Variants in USP32 observed in about 807,000 individuals in gnomAD.
The protein encoded by USP32 is ubiquitin specific peptidase 32.
Under a neutral mutation model 204.8 loss-of-function variants are expected in USP32, and 59 were observed. That is an observed-to-expected ratio of 0.29 (90% CI 0.23 to 0.36). The LOEUF is 0.36. Among genes scored for constraint, USP32 ranks in the 10% least tolerant of loss-of-function variants. The pLI is 1.00. For synonymous variants in USP32, 517 were observed against 678.4 expected (o/e 0.76, Z 3.70); for missense variants, 1,160 against 1,946.4 (o/e 0.60, Z 7.60).
chr17:60,242,303 C>T (rs2085898751), intron 11 of USP32, among the ~76,000 whole-genome samples: 1 of 151,952 alleles, frequency 6.6e-6, no homozygotes, highest in South Asian at 2.1e-4. Flanking sequence ...CCTCCTGGAC[C>T]ATTTTTTTTT....
intron 1 of USP32, among the ~76,000 whole-genome samples, chr17:60,409,955 G>A (rs1265228368): frequency 1.3e-5 from 2 of 152,144 alleles, no homozygotes; most frequent in Non-Finnish European, 2.9e-5. Flanking sequence ...GACAAGCTTG[G>A]TTTAAAACAA....
chr17:60,228,421 G>A (rs182870679), intron 12 of USP32, among the ~76,000 whole-genome samples: 7 of 151,476 alleles, frequency 4.6e-5, no homozygotes, highest in African/African-American at 1.5e-4. Flanking sequence ...ATAATATCAA[G>A]CTTCTCACAG....
Position 60,213,750 on chromosome 17 carries a change from C to A in USP32, c.2023-88G>T, listed in dbSNP as rs58493920. 7.9e-3 allele frequency: 11,863 copies of A among 1,498,098 alleles called. 1,202 individuals are homozygous for A. The African/African-American group carries it at 0.16, about 21-fold the overall frequency. 92.8% of individuals were successfully genotyped at this position (1,498,098 alleles called of 1,614,324 possible). A position where few individuals can be genotyped will look rare whatever the true frequency, so the allele number is the denominator to read the frequency against. ...TAAAAATGAGTAACAATTAAAAAAA[C>A]AACTTCTTTGTAGTTATATAACATA... On this transcript the variant is annotated intron_variant, in intron 17 of 33. Transcript: ENST00000300896.
At chr17:60,324,709 A>G (rs2088190489) in intron 2 of USP32, among the ~76,000 whole-genome samples, 1 of 152,242 alleles carries the variant, frequency 6.6e-6, no homozygotes, top group Non-Finnish European at 1.5e-5. Flanking sequence ...ATTATACTAA[A>G]AAACTGTTAT....
At chr17:60,362,481 C>A (rs1161920401) in intron 1 of USP32, among the ~76,000 whole-genome samples, 1 of 152,156 alleles carries the variant, frequency 6.6e-6, no homozygotes, top group Non-Finnish European at 1.5e-5. Context: ...AGGAATGTGT[C>A]TTTGAAAACT....
At chr17:60,278,162 C>T (rs376880966) in intron 5 of USP32, among the ~76,000 whole-genome samples, 1 of 152,154 alleles carries the variant, frequency 6.6e-6, no homozygotes, top group African/African-American at 2.4e-5. Flanking sequence ...CCACAGCCTT[C>T]CAAAGTGCTG....
At chr17:60,347,790 T>G (rs2088825824) in intron 1 of USP32, among the ~76,000 whole-genome samples, 1 of 151,672 alleles carries the variant, frequency 6.6e-6, no homozygotes. Flanking sequence ...CCGAGAAACT[T>G]CAAGGATTAT....
intron 29 of USP32, among the ~76,000 whole-genome samples, chr17:60,188,247 A>C (rs113808627): frequency 0.019 from 2,908 of 152,322 alleles, 87 homozygotes; most frequent in African/African-American, 0.065. Context: ...CAGGAGAGAA[A>C]TGTAAAGGAT....
chr17:60,237,247 C>G (rs2145641850), intron 11 of USP32, among the ~76,000 whole-genome samples: 1 of 151,808 alleles, frequency 6.6e-6, no homozygotes, highest in East Asian at 1.9e-4. Context: ...CTCAAGCAAT[C>G]CTCCTGCCTC....
rs371922089 is a variant in USP32, at chr17:60,321,631, A to C, written c.187-19927T>G. Among the ~76,000 whole-genome samples, 200 of 152,354 alleles carry C rather than the reference A, an allele frequency of 1.3e-3. 1 individual carries two copies. Among genetic ancestry groups the C allele is most frequent in the African/African-American group, 4.5e-3 (187 of 41,582 alleles). On this transcript the variant is annotated intron_variant, in intron 2 of 33. Transcript: ENST00000300896. The stretch of plus-strand genomic sequence containing the variant: ...AATTCCCAAAGAAATGAGGGCAAAC[A>C]TTCTTGAAATGAATGGAAACACAAC...
chr17:60,308,181 C>T (rs145653296), intron 2 of USP32, among the ~76,000 whole-genome samples: 5 of 152,262 alleles, frequency 3.3e-5, no homozygotes, highest in Non-Finnish European at 7.3e-5. Flanking sequence ...GGCAAGAATC[C>T]GGGATACAGA....
intron 11 of USP32, among the ~76,000 whole-genome samples, chr17:60,242,518 C>T (rs1598126974): frequency 6.6e-6 from 1 of 152,142 alleles, no homozygotes; most frequent in Admixed American, 6.5e-5. Flanking sequence ...TCAAGTGATT[C>T]TCCTGCCTTA....
At chr17:60,282,152 C>T (rs2086982617) in intron 5 of USP32, among the ~76,000 whole-genome samples, 1 of 152,170 alleles carries the variant, frequency 6.6e-6, no homozygotes, top group African/African-American at 2.4e-5. Context: ...TCAATGCGCA[C>T]ATTGTAAGAG....
intron 1 of USP32, among the ~76,000 whole-genome samples, chr17:60,417,016 C>T (rs1598326098): frequency 6.7e-6 from 1 of 150,346 alleles, no homozygotes; most frequent in Admixed American, 6.7e-5. Context: ...CTCTTGGGTT[C>T]AAGCCATTCT....
intron 9 of USP32, among the ~76,000 whole-genome samples, chr17:60,255,632 C>T (rs888351176): frequency 5.9e-5 from 9 of 152,216 alleles, no homozygotes; most frequent in Non-Finnish European, 1.3e-4. Flanking sequence ...TTCCTCTTTA[C>T]TTTCCTAACT....
rs376162084 is a variant in USP32, at chr17:60,377,820, G to T, written c.58+14062C>A. On this transcript the variant is annotated intron_variant, in intron 1 of 33. Coordinates refer to ENST00000300896, the MANE Select transcript of USP32 (RefSeq NM_032582.4). The stretch of plus-strand genomic sequence containing the variant: ...TTTAGAGTAGGGTTCTTTCTATTCT[G>T]GTTTTCTGCAGCTGTGGGGTCACTC... Among the ~76,000 whole-genome samples, 46 of 152,084 alleles carry T rather than the reference G, an allele frequency of 3.0e-4. No homozygotes were observed. The South Asian group carries it at 9.6e-3, about 32-fold the overall frequency.
chr17:60,352,671 G>A (rs1220295481), intron 1 of USP32, among the ~76,000 whole-genome samples: 1 of 152,160 alleles, frequency 6.6e-6, no homozygotes, highest in African/African-American at 2.4e-5. Context: ...ACAAGACTGG[G>A]AAAAGGTCAG....
intron 2 of USP32, among the ~76,000 whole-genome samples, chr17:60,331,265 A>C (rs1366494619): frequency 6.6e-6 from 1 of 152,214 alleles, no homozygotes; most frequent in Non-Finnish European, 1.5e-5. Flanking sequence ...CTGAAGTACA[A>C]TAAAACTGCA....
chr17:60,311,739 C>T (rs188201667), intron 2 of USP32, among the ~76,000 whole-genome samples: 1 of 152,270 alleles, frequency 6.6e-6, no homozygotes, highest in East Asian at 1.9e-4. Context: ...GCAGAAGAAT[C>T]CCTTAAACCC....
Sources: allele counts gnomAD v4.1 joint callset (sites outside exome capture counted in the v4.1 genomes callset), GRCh38; gene constraint gnomAD v4.1.1; transcripts MANE v1.5; gene names NCBI Gene and HGNC (gene_info 2026-07-23, HGNC 2026-07-21).